Variants in RASGRF1 observed in about 807,000 individuals in gnomAD.
RASGRF1 encodes ras-specific guanine nucleotide-releasing factor 1.
Under a neutral mutation model 138.7 loss-of-function variants are expected in RASGRF1, and 40 were observed. That is an observed-to-expected ratio of 0.29 (90% CI 0.22 to 0.38). The LOEUF is 0.38. RASGRF1 is among the 10% of genes least tolerant of loss of function. RASGRF1 has a pLI of 1.00. For missense variants in RASGRF1, 1,108 were observed against 1,650.4 expected, an observed-to-expected ratio of 0.67 and a Z score of 5.69; for synonymous variants, 614 against 663.2, an observed-to-expected ratio of 0.93 and a Z score of 1.14.
intron 1 of RASGRF1, among the ~76,000 whole-genome samples, chr15:79,082,196 C>T (rs1313124875): frequency 6.6e-6 from 1 of 152,208 alleles, no homozygotes; most frequent in Non-Finnish European, 1.5e-5. Flanking sequence ...CTACCATTAG[C>T]ACCATATTCT....
rs79637922 is a variant in RASGRF1 at position 79,048,970 on chromosome 15, T to A, written c.624+526A>T. 5.7e-3 allele frequency among the ~76,000 whole-genome samples: 861 copies of A among 152,324 alleles called. 4 individuals carry two copies. Among genetic ancestry groups the A allele is most frequent in the Non-Finnish European group, 8.0e-3 (543 of 68,032 alleles). On this transcript the variant is annotated intron_variant, in intron 4 of 26. Coordinates refer to ENST00000558480, the MANE Select transcript of RASGRF1 (RefSeq NM_001145648.3). ...TGTCACTACCTGGCCACTGGGCAGA[T>A]CCTTGGTAGCTTCTGAGATGTCTGT...
intron 2 of RASGRF1, among the ~76,000 whole-genome samples, 153 bp from the exon 3 acceptor site, chr15:79,058,634 G>T (rs1192499145): frequency 1.3e-5 from 2 of 152,212 alleles, no homozygotes; most frequent in African/African-American, 2.4e-5. Flanking sequence ...GGGCTTGGCA[G>T]GGTAGAGGTG....
intron 23 of RASGRF1, chr15:78,981,044 G>A (rs969057427): frequency 5.1e-6 from 1 of 197,916 alleles, no homozygotes; most frequent in Non-Finnish European, 1.0e-5. Flanking sequence ...CTCAGAGCAG[G>A]AAATGGCAGA....
At chr15:78,980,739 G>A (rs377481849) in intron 23 of RASGRF1, 40 bp from the exon 24 acceptor site, 19 of 1,474,700 alleles carry the variant, frequency 1.3e-5, no homozygotes, top group African/African-American at 5.5e-5. Flanking sequence ...CACAGCACAC[G>A]CTGTGATCCC....
At chr15:79,015,534 C>T in intron 12 of RASGRF1, 125 bp from the exon 13 acceptor site, 1 of 852,700 alleles carries the variant, frequency 1.2e-6, no homozygotes, top group Non-Finnish European at 1.9e-6. Context: ...GCTTCAAGGG[C>T]ATTGTCCTGG....
intron 9 of RASGRF1, among the ~76,000 whole-genome samples, chr15:79,026,392 C>T (rs1033830151): frequency 6.6e-6 from 1 of 152,234 alleles, no homozygotes; most frequent in South Asian, 2.1e-4. Flanking sequence ...CTCTCTTGGT[C>T]CTGCTCCAGG....
At chr15:79,034,622 C>A (rs562922450) in intron 6 of RASGRF1, among the ~76,000 whole-genome samples, 1 of 151,490 alleles carries the variant, frequency 6.6e-6, no homozygotes, top group Admixed American at 6.6e-5. Flanking sequence ...TATTACACAG[C>A]GATCAAAAAG....
In RASGRF1 at chr15:79,046,509, C is replaced by T. The variant is rs1567571642; in HGVS notation, c.878+237G>A. Among the ~76,000 whole-genome samples, 1 of 152,202 alleles carries T rather than the reference C, an allele frequency of 6.6e-6. No individual in the cohort carries two copies. Among genetic ancestry groups the T allele is most frequent in the East Asian group, 1.9e-4 (1 of 5,200 alleles). On this transcript the variant is annotated intron_variant, in intron 5 of 26. Coordinates refer to ENST00000558480, the MANE Select transcript of RASGRF1 (RefSeq NM_001145648.3). The surrounding 1 kb of genome is among the most constrained non-coding windows in gnomAD (Gnocchi z 5.3). ...GTGTTCCCCACGGAGCAAAACTGCC[C>T]CAGTTGAGGCCCACTGGTTTGGACC... is the stretch of plus-strand genomic sequence containing the variant.
chr15:79,049,458 G>C (rs1314890994), intron 4 of RASGRF1, 38 bp downstream of exon 4: 1 of 1,590,186 alleles, frequency 6.3e-7, no homozygotes, highest in East Asian at 2.2e-5. Flanking sequence ...TCTAAAGAGA[G>C]AGCTCCAAAG....
intron 22 of RASGRF1, among the ~76,000 whole-genome samples, chr15:78,986,593 G>A (rs1478513563): frequency 2.0e-5 from 3 of 151,898 alleles, no homozygotes; most frequent in Non-Finnish European, 2.9e-5. Context: ...GTGATCTGCC[G>A]GCCTTGACCT....
intron 22 of RASGRF1, among the ~76,000 whole-genome samples, chr15:78,986,601 C>T (rs1411775905): frequency 6.6e-6 from 1 of 152,128 alleles, no homozygotes; most frequent in Non-Finnish European, 1.5e-5. Flanking sequence ...CCGGCCTTGA[C>T]CTCCCAAAGT....
chr15:78,998,371 T>C, intron 18 of RASGRF1, 163 bp from the exon 19 acceptor site: 2 of 669,646 alleles, frequency 3.0e-6, no homozygotes, highest in South Asian at 1.7e-5. Context: ...CATGAGAGGC[T>C]CTCCAGGCCT....
chr15:79,031,592 G>A, intron 7 of RASGRF1, 83 bp from the exon 8 acceptor site: 1 of 488,324 alleles, frequency 2.0e-6, no homozygotes, highest in Non-Finnish European at 3.7e-6. Context: ...GACAGGGAGT[G>A]AGCAAGAGAG....
chr15:79,046,743 C>G lies in RASGRF1; in HGVS notation c.878+3G>C. 1 of 1,614,178 alleles carries G rather than the reference C, an allele frequency of 6.2e-7. No individual in the cohort carries two copies. On this transcript the variant is annotated splice_donor_region_variant and intron_variant, in intron 5 of 26. Coordinates refer to ENST00000558480, the MANE Select transcript of RASGRF1 (RefSeq NM_001145648.3). This position sits in a 1 kb window ranked among gnomAD's most constrained non-coding sequence, Gnocchi z 5.3. ...GCCTTGGCCAACCTTTAGGGGTGCT[C>G]ACCTGTTCAGGAAGATGCTGCTGAC...
chr15:79,015,958 C>T (rs2056872978), intron 12 of RASGRF1, among the ~76,000 whole-genome samples: 1 of 152,204 alleles, frequency 6.6e-6, no homozygotes, highest in South Asian at 2.1e-4. Flanking sequence ...CTGGAGAAGG[C>T]AAGGCTGCTG....
At chr15:79,012,629 ATT>A in intron 13 of RASGRF1, 1 of 1,511,148 alleles carries the variant, frequency 6.6e-7, no homozygotes, top group South Asian at 1.2e-5. Context: ...ATTATTCAAA[ATT>A]TTGTTATTTT....
At chr15:79,066,655 A>G (rs533649488) in intron 1 of RASGRF1, among the ~76,000 whole-genome samples, 3 of 152,324 alleles carry the variant, frequency 2.0e-5, no homozygotes, top group African/African-American at 7.2e-5. Flanking sequence ...CTTCCCAATC[A>G]GCCCTACTGG....
Position 79,003,786 on chromosome 15 carries a change from C to A in RASGRF1, c.2449+16G>T. The stretch of plus-strand genomic sequence containing the variant: ...CTGGGAGGCTGGGGGGCAGCTCCGA[C>A]GGCATGGCCACTCACTCTGCTTGCT... On this transcript the variant is annotated intron_variant, in intron 15 of 26. Coordinates refer to ENST00000558480, the MANE Select transcript of RASGRF1 (RefSeq NM_001145648.3). 6.4e-7 allele frequency: 1 copy of A among 1,569,306 alleles called. No individual in the cohort carries two copies. Among genetic ancestry groups the A allele is most frequent in the Non-Finnish European group, 8.6e-7 (1 of 1,156,846 alleles).
At chr15:79,001,532 G>C (rs886314279) in intron 16 of RASGRF1, 130 bp downstream of exon 16, 2 of 1,207,012 alleles carry the variant, frequency 1.7e-6, no homozygotes, top group East Asian at 2.8e-5. Flanking sequence ...TGAAATATCA[G>C]AAAAGTTACT....
Sources: allele counts gnomAD v4.1 joint callset (sites outside exome capture counted in the v4.1 genomes callset), GRCh38; gene constraint gnomAD v4.1.1; non-coding constraint Gnocchi (gnomAD v3.1); transcripts MANE v1.5; gene names NCBI Gene and HGNC (gene_info 2026-07-23, HGNC 2026-07-21).